Variants in PPP2R5C observed in about 807,000 individuals in gnomAD.
PPP2R5C encodes protein phosphatase 2 regulatory subunit B'gamma.
Under a neutral mutation model 68.9 loss-of-function variants are expected in PPP2R5C, and 7 were observed. The observed-to-expected ratio is 0.10, with a 90% CI of 0.06 to 0.19. The LOEUF (loss-of-function observed/expected upper bound fraction) is 0.19. Among genes scored for constraint, PPP2R5C ranks in the 10% least tolerant of loss-of-function variants. The probability of loss-of-function intolerance (pLI) is 1.00; values close to 1 mark genes in which losing one functional copy is unlikely to be tolerated. For synonymous variants in PPP2R5C, 210 were observed against 222.2 expected, an observed-to-expected ratio of 0.95 and a Z score of 0.49; for missense variants, 348 against 641.3, an observed-to-expected ratio of 0.54 and a Z score of 4.94.
chr14:101,822,489 A>T (rs1473870820), intron 1 of PPP2R5C, among the ~76,000 whole-genome samples: 3 of 152,184 alleles, frequency 2.0e-5, no homozygotes, highest in Non-Finnish European at 4.4e-5. Context: ...AAATGATGTT[A>T]TGTTGATGTG....
chr14:101,896,737 A>G (rs2045361926), intron 8 of PPP2R5C, among the ~76,000 whole-genome samples: 1 of 151,166 alleles, frequency 6.6e-6, no homozygotes, highest in Non-Finnish European at 1.5e-5. Flanking sequence ...TTATTTGAGT[A>G]TCAAAGTAAG....
intron 7 of PPP2R5C, among the ~76,000 whole-genome samples, 154 bp from the exon 10 acceptor site, chr14:101,894,339 TCACCAATTAATGGG>T (rs1045228578): frequency 7.4e-4 from 113 of 152,352 alleles, no homozygotes; most frequent in African/African-American, 2.6e-3. Context: ...TTCTGATCTA[TCACCAATTAATGGG>T]CATAAATGTT....
chr14:101,822,001 C>T (rs1002621076), intron 1 of PPP2R5C, among the ~76,000 whole-genome samples: 5 of 151,840 alleles, frequency 3.3e-5, no homozygotes, highest in Non-Finnish European at 5.9e-5. Context: ...ACATCATTGA[C>T]GCTTTTAAGA....
At chr14:101,824,302 A>G (rs2040267180) in intron 1 of PPP2R5C, 2 of 755,318 alleles carry the variant, frequency 2.6e-6, no homozygotes, top group Non-Finnish European at 3.6e-6. Context: ...AGAGGTATTC[A>G]TCTGAAAACT....
At chr14:101,794,721 A>G (rs1324829770) in intron 3 of PPP2R5C, among the ~76,000 whole-genome samples, 1 of 152,218 alleles carries the variant, frequency 6.6e-6, no homozygotes, top group African/African-American at 2.4e-5. Context: ...GCTAATGCCT[A>G]GATAATCATT....
At chr14:101,863,144 C>T (rs2042855859) in intron 2 of PPP2R5C, among the ~76,000 whole-genome samples, 1 of 152,038 alleles carries the variant, frequency 6.6e-6, no homozygotes, top group Non-Finnish European at 1.5e-5. Flanking sequence ...CCTGTCTCTA[C>T]TAAAAATACA....
In PPP2R5C at chr14:101,924,445, CTTTTTT is replaced by C. The variant is rs11325673; in HGVS notation, c.1444-689_1444-684del. Among the ~76,000 whole-genome samples, 5 of 84,502 alleles carry C rather than the reference CTTTTTT, an allele frequency of 5.9e-5. 2 individuals carry two copies. The highest frequency in any genetic ancestry group is 2.2e-4 in the African/African-American group (5 of 23,022). The allele number at this position is 84,502 out of a possible 152,430, so 55.4% of individuals were successfully genotyped here. ...TTTACCTCCAAGGAAATTTCTACAT[CTTTTTT>C]TTTTTTGAGATGGAGTCTGGAGGCC... On this transcript the variant is annotated intron_variant, in intron 13 of 13. Coordinates refer to ENST00000334743, the Ensembl canonical transcript of PPP2R5C.
upstream of PPP2R5C, among the ~76,000 whole-genome samples, chr14:101,761,513 G>A (rs2036524541): frequency 6.7e-6 from 1 of 148,366 alleles, no homozygotes; most frequent in Non-Finnish European, 1.5e-5. Context: ...GGAGCGGGGA[G>A]CGTTAGGGTA....
chr14:101,829,841 G>C (rs150369080), intron 1 of PPP2R5C, among the ~76,000 whole-genome samples: 41 of 152,202 alleles, frequency 2.7e-4, no homozygotes, highest in Non-Finnish European at 5.3e-4. Flanking sequence ...GTGCTGCTTA[G>C]TCTCACTTTG....
chr14:101,773,283 C>T (rs989267762), intron 2 of PPP2R5C, among the ~76,000 whole-genome samples: 2 of 152,090 alleles, frequency 1.3e-5, no homozygotes, highest in African/African-American at 4.8e-5. Flanking sequence ...CTGGGGATCT[C>T]AATACCATGA....
In PPP2R5C at chr14:101,821,948, C is replaced by T. The variant is rs2040097797; in HGVS notation, c.94+11912C>T. 2.0e-5 allele frequency among the ~76,000 whole-genome samples: 3 copies of T among 152,018 alleles called. No homozygotes were observed. In the South Asian group the frequency reaches 6.2e-4, roughly 31 times the overall value. ...GCTGGAAATGTGGAATTTTGTTTCT[C>T]AATTATTGGACCTGGTCCTGAGGAG... On this transcript the variant is annotated intron_variant, in intron 1 of 13. Coordinates refer to ENST00000334743, the Ensembl canonical transcript of PPP2R5C.
rs901864164 is a variant in PPP2R5C, at chr14:101,825,851, G to A, written c.94+15815G>A. Among the ~76,000 whole-genome samples, 5 of 152,180 alleles carry A rather than the reference G, an allele frequency of 3.3e-5. No homozygotes were observed. The highest frequency in any genetic ancestry group is 6.5e-5 in the Admixed American group (1 of 15,284). ...TTTAAGAAGGAAGTTGGGGAAGGTA[G>A]GACCTCATGGCTTTGGTTTTTCTGG... On this transcript the variant is annotated intron_variant, in intron 1 of 13. Coordinates refer to ENST00000334743, the Ensembl canonical transcript of PPP2R5C. The surrounding 1 kb of genome is among the most constrained non-coding windows in gnomAD (Gnocchi z 4.0).
chr14:101,912,305 C>A, intron 11 of PPP2R5C, 96 bp from the exon 14 acceptor site: 1 of 1,054,424 alleles, frequency 9.5e-7, no homozygotes, highest in East Asian at 2.8e-5. Flanking sequence ...CGGGAGGAGC[C>A]GCTGGCTGGG....
intron 1 of PPP2R5C, among the ~76,000 whole-genome samples, chr14:101,851,852 G>C (rs1377536775): frequency 1.3e-5 from 2 of 151,940 alleles, no homozygotes; most frequent in East Asian, 3.9e-4. Context: ...TTTACATGAT[G>C]CCTCTTGGTG....
At chr14:101,841,852 A>G (rs1192808231) in intron 1 of PPP2R5C, among the ~76,000 whole-genome samples, 4 of 152,184 alleles carry the variant, frequency 2.6e-5, no homozygotes, top group African/African-American at 7.2e-5. Flanking sequence ...AGTCCCTCAC[A>G]GGCTGCCCTA....
intron 9 of PPP2R5C, among the ~76,000 whole-genome samples, chr14:101,903,121 T>C (rs772150760): frequency 1.4e-4 from 21 of 151,028 alleles, no homozygotes; most frequent in Admixed American, 4.6e-4. Context: ...TCCTAGAAAC[T>C]GTAGAGACCA....
rs991176145 is a variant in PPP2R5C at position 101,899,882 on chromosome 14, T to G, written c.853-1837T>G. ...AGACTTGAAAACTAGCAGCACTTCC[T>G]TTTTTATTTTTATTTGGCTCTTTTG... On this transcript the variant is annotated intron_variant, in intron 8 of 13. Coordinates refer to ENST00000334743, the Ensembl canonical transcript of PPP2R5C. This position sits in a 1 kb window ranked among gnomAD's most constrained non-coding sequence, Gnocchi z 4.2. Among the ~76,000 whole-genome samples the G allele has an allele frequency of 1.3e-5, 2 of 152,220 alleles. No homozygotes were observed. Among genetic ancestry groups the G allele is most frequent in the South Asian group, 4.1e-4 (2 of 4,834 alleles).
intron 1 of PPP2R5C, among the ~76,000 whole-genome samples, chr14:101,854,058 C>T (rs1595380870): frequency 1.3e-5 from 2 of 152,114 alleles, no homozygotes; most frequent in South Asian, 2.1e-4. Context: ...CAAAAATGAA[C>T]GTTTTTCATT....
At chr14:101,927,106 T>TC (rs1335912464) in exon 14 of PPP2R5C, 2 of 152,186 alleles carry the variant, frequency 1.3e-5, no homozygotes, top group Non-Finnish European at 2.9e-5. Flanking sequence ...TGTTTGAACT[T>TC]CCGTCTTTAG....
Sources: gnomAD v4.1 joint callset for allele counts (sites outside exome capture counted in the v4.1 genomes callset) on GRCh38, gnomAD v4.1.1 for gene constraint, Gnocchi (gnomAD v3.1) non-coding constraint, MANE v1.5 for transcripts, NCBI Gene and HGNC (gene_info 2026-07-23, HGNC 2026-07-21) for gene names.